PRR14: variants seen among roughly 807,000 people sequenced by gnomAD.
PRR14 encodes the protein proline-rich protein 14.
Under a neutral mutation model 57.2 loss-of-function variants are expected in PRR14, and 33 were observed. The ratio of observed to expected loss-of-function variants is 0.58; its 90% confidence interval spans 0.44 to 0.77. PRR14 has a LOEUF of 0.77. PRR14 is among the 30% of genes least tolerant of loss of function. PRR14 has a pLI of 0.00. For missense variants in PRR14, 716 were observed against 788.1 expected (o/e 0.91, Z 1.10); for synonymous variants, 303 against 314.7 (o/e 0.96, Z 0.39).
rs761076173 is a variant in PRR14, at chr16:30,651,888, G to A, written c.116G>A (p.Gly39Glu). Reference sequence around the variant, plus strand: ...AAACGGCCGAGGCTGCAGCTCCCGGGGGCCCCTTCTCCCCTGGAAAAGGCC... The same window carrying A: ...AAACGGCCGAGGCTGCAGCTCCCGGAGGCCCCTTCTCCCCTGGAAAAGGCC... ...SPKRPRLQLPGAPSPLEKASR... is the reference protein window; with the variant it reads ...SPKRPRLQLPEAPSPLEKASR... The change falls in exon 3 of 12, where the codon GGG becomes GAG. Residue 39 changes from glycine (G) to glutamate (E), a missense_variant. Gly to Glu is a moderately conservative substitution (Grantham distance 98). Transcript: ENST00000300835. This position sits in a 1 kb window ranked among gnomAD's most constrained non-coding sequence, Gnocchi z 5.0. 5 of 1,605,386 alleles carry A rather than the reference G, an allele frequency of 3.1e-6. 1 individual carries two copies. The highest frequency in any genetic ancestry group is 3.3e-4 in the Middle Eastern group (2 of 6,024).
Position 30,656,211 on chromosome 16 carries a change from G to A in PRR14, c.1658G>A (p.Ser553Asn). The A allele has an allele frequency of 1.2e-6, 2 of 1,613,416 alleles. No individual in the cohort carries two copies. Among genetic ancestry groups the A allele is most frequent in the Non-Finnish European group, 1.7e-6 (2 of 1,179,860 alleles). The change falls in exon 12 of 12, where the codon AGC becomes AAC. Residue 553 changes from serine (S) to asparagine (N), a missense_variant. Physicochemically the swap from Ser to Asn is conservative, Grantham distance 46. Transcript: ENST00000300835. ...ACTGTTCCTCCCAATGTGGCCCCCA[G>A]CCCTGATGTGGGCCCCCTGCTCCAG... is the stretch of plus-strand genomic sequence containing the variant. ...GRTVPPNVAPSPDVGPLLQQR... is the reference protein window; with the variant it reads ...GRTVPPNVAPNPDVGPLLQQR...
chr16:30,655,710 G>C lies in PRR14; in HGVS notation c.1406+117G>C, dbSNP rs2972808. On this transcript the variant is annotated intron_variant, in intron 10 of 11. Transcript: ENST00000300835. The surrounding 1 kb of genome is among the most constrained non-coding windows in gnomAD (Gnocchi z 4.6). The stretch of plus-strand genomic sequence containing the variant: ...CAGTCCAGCCTGAAAGATTCAATTC[G>C]GTGTGGGGATGGTTTGTGCTCAAAA... 1 of 1,289,050 alleles carries C rather than the reference G, an allele frequency of 7.8e-7. No homozygotes were observed. The highest frequency in any genetic ancestry group is 1.1e-6 in the Non-Finnish European group (1 of 893,188). The allele number at this position is 1,289,050 out of a possible 1,614,324, so 79.9% of individuals were successfully genotyped here.
Position 30,655,294 on chromosome 16 carries a change from A to G in PRR14, c.1245-57A>G. On this transcript the variant is annotated intron_variant, in intron 8 of 11. Transcript: ENST00000300835. The surrounding 1 kb of genome is among the most constrained non-coding windows in gnomAD (Gnocchi z 4.6). Reference sequence around the variant, plus strand: ...CTTCCCTGAGTATCCAGTGGGCAGGAGACGGGGGATAATGCAGTGAATCCT... The same window carrying G: ...CTTCCCTGAGTATCCAGTGGGCAGGGGACGGGGGATAATGCAGTGAATCCT... The G allele has an allele frequency of 6.2e-7, 1 of 1,609,328 alleles. No individual in the cohort carries two copies. The highest frequency in any genetic ancestry group is 1.7e-4 in the Middle Eastern group (1 of 6,046).
rs1596605692 is a variant in PRR14 at position 30,654,681 on chromosome 16, A to C, written c.711A>C (p.Leu237Phe). The C allele has an allele frequency of 1.2e-6, 2 of 1,612,908 alleles. No individual in the cohort carries two copies. Among genetic ancestry groups the C allele is most frequent in the South Asian group, 2.2e-5 (2 of 91,012 alleles). Residue 237 changes from leucine to phenylalanine, a missense_variant, in exon 8 of 12, where the codon TTA becomes TTC. Coordinates refer to ENST00000300835, the MANE Select transcript of PRR14 (RefSeq NM_024031.5). ...CCACCCCACCACCGTCCAGCCTTTT[A>C]CGCCCCCGCCTCAGTCCCTGGGGCT... ...LPSTPPPSSL[L>F]RPRLSPWGLA...
intron 6 of PRR14, among the ~76,000 whole-genome samples, 171 bp downstream of exon 6, chr16:30,653,579 G>C (rs2052335510): frequency 6.6e-6 from 1 of 152,250 alleles, no homozygotes; most frequent in Non-Finnish European, 1.5e-5. Context: ...AGGAGGCCAA[G>C]GCAGGAGAAT....
intron 6 of PRR14, 58 bp from the exon 7 acceptor site, chr16:30,654,172 C>T (rs2052341571): frequency 1.2e-5 from 14 of 1,196,352 alleles, no homozygotes; most frequent in Non-Finnish European, 1.5e-5. Context: ...AGGGGAGTTG[C>T]TGGCTCAGGT....
Position 30,655,393 on chromosome 16 carries a change from C to A in PRR14, c.1287C>A (p.Asp429Glu). ...GGAAGGAGCCAAGAGCCTCAAAGGA[C>A]CAGGTGCTTTCAGAACCTGAGACCA... ...TKGKEPRASK[D>E]QVLSEPETKT... The change falls in exon 9 of 12, where the codon GAC (aspartate) becomes GAA (glutamate). Residue 429 changes from aspartate to glutamate, a missense_variant. By Grantham distance (45) the Asp-to-Glu change is conservative (BLOSUM62 2). Transcript: ENST00000300835. The surrounding 1 kb of genome is among the most constrained non-coding windows in gnomAD (Gnocchi z 4.6). The A allele has an allele frequency of 6.2e-7, 1 of 1,614,102 alleles. No homozygotes were observed. The highest frequency in any genetic ancestry group is 8.5e-7 in the Non-Finnish European group (1 of 1,180,026).
rs368995357 is a variant in PRR14 at position 30,655,860 on chromosome 16, G to A, written c.1407-8G>A. The A allele has an allele frequency of 3.1e-6, 5 of 1,613,962 alleles. No homozygotes were observed. The African/African-American group carries it at 4.0e-5, about 13-fold the overall frequency. ...GGTTTCTCAGTGGCCTCTGCTCTTT[G>A]CTCACAGGTTGAACAAGAAGGAGTT... On this transcript the variant is annotated splice_region_variant and splice_polypyrimidine_tract_variant and intron_variant, in intron 10 of 11. Coordinates refer to ENST00000300835, the MANE Select transcript of PRR14 (RefSeq NM_024031.5). This position sits in a 1 kb window ranked among gnomAD's most constrained non-coding sequence, Gnocchi z 4.6.
Position 30,656,071 on chromosome 16 carries a change from T to G in PRR14, c.1518T>G (p.Asn506Lys), listed in dbSNP as rs2052369004. The change falls in exon 12 of 12, where the codon AAT (asparagine) becomes AAG (lysine). Residue 506 changes from asparagine to lysine, a missense_variant. Physicochemically the swap from Asn to Lys is moderately conservative, Grantham distance 94. Transcript: ENST00000300835. ...TCTTTGAGGAACCCCGGGAGCGCAATGGGACTCTGATTTTCACCAGCTCAA... is the reference window on the plus strand; with the variant it reads ...TCTTTGAGGAACCCCGGGAGCGCAAGGGGACTCTGATTTTCACCAGCTCAA... The part of the protein sequence containing the change: ...ETIFEEPRER[N>K]GTLIFTSSRK... 2.6e-6 allele frequency: 4 copies of G among 1,552,964 alleles called. No individual in the cohort carries two copies. Among genetic ancestry groups the G allele is most frequent in the Non-Finnish European group, 3.5e-6 (4 of 1,151,742 alleles).
Position 30,656,298 on chromosome 16 carries a change from C to A in PRR14, c.1745C>A (p.Pro582His). 6.2e-7 allele frequency: 1 copy of A among 1,611,828 alleles called. No homozygotes were observed. Among genetic ancestry groups the A allele is most frequent in the East Asian group, 2.2e-5 (1 of 44,868 alleles). The part of the protein sequence containing the change: ...LEEETVDREQ[P>H]HWT ...GAAGAAACAGTAGATCGGGAGCAGC[C>A]CCACTGGACCTAGGTGCCCCATCTG... Residue 582 changes from proline to histidine, a missense_variant, in exon 12 of 12, where the codon CCC (proline) becomes CAC (histidine). By Grantham distance (77) the Pro-to-His change is moderately conservative. Transcript: ENST00000300835.
Position 30,656,293 on chromosome 16 carries a change from G to A in PRR14, c.1740G>A (p.Glu580=). The change falls in exon 12 of 12, where the codon GAG becomes GAA. Residue 580 remains glutamate, a synonymous_variant. Coordinates refer to ENST00000300835, the MANE Select transcript of PRR14 (RefSeq NM_024031.5). ...LLLEEETVDR[E]QPHWT is the part of the protein sequence containing the mutation. ...TGGAGGAAGAAACAGTAGATCGGGA[G>A]CAGCCCCACTGGACCTAGGTGCCCC... The A allele has an allele frequency of 6.2e-7, 1 of 1,612,186 alleles. No individual in the cohort carries two copies. Among genetic ancestry groups the A allele is most frequent in the South Asian group, 1.1e-5 (1 of 91,024 alleles).
At chr16:30,652,348 A>G (rs1320294854) in intron 3 of PRR14, 2 of 567,042 alleles carry the variant, frequency 3.5e-6, no homozygotes, top group African/African-American at 3.7e-5. Flanking sequence ...GGCGTGAGCC[A>G]CGGCGCTGGG....
rs1482668694 is a variant in PRR14, at chr16:30,654,731, G to A, written c.761G>A (p.Arg254His). 3.7e-6 allele frequency: 6 copies of A among 1,613,668 alleles called. No homozygotes were observed. Among genetic ancestry groups the A allele is most frequent in the African/African-American group, 2.7e-5 (2 of 75,012 alleles). Residue 254 changes from arginine (R) to histidine (H), a missense_variant, in exon 8 of 12, where the codon CGC (arginine) becomes CAC (histidine). Transcript: ENST00000300835. ...WGLAPLFRSV[R>H]SKLESFADIF... is the part of the protein sequence containing the mutation. ...TTGGCCCCGCTCTTCCGTTCCGTCC[G>A]CTCCAAGCTGGAGAGCTTTGCTGAC...
Position 30,651,753 on chromosome 16 carries a change from C to A in PRR14, c.24-43C>A. Reference sequence around the variant, plus strand: ...CCGTGCCGGGAAACTACAGAGCCAGCGACAGGTTCGGGCGACCGTCCTCTG... The same window carrying A: ...CCGTGCCGGGAAACTACAGAGCCAGAGACAGGTTCGGGCGACCGTCCTCTG... On this transcript the variant is annotated intron_variant, in intron 2 of 11. Transcript: ENST00000300835. This position sits in a 1 kb window ranked among gnomAD's most constrained non-coding sequence, Gnocchi z 5.0. 1 of 1,610,560 alleles carries A rather than the reference C, an allele frequency of 6.2e-7. No individual in the cohort carries two copies. The highest frequency in any genetic ancestry group is 8.5e-7 in the Non-Finnish European group (1 of 1,179,778).
In PRR14 at chr16:30,651,999, C is replaced by T; in HGVS notation, c.192+35C>T. ...CTGAACCAAGAGACTCTCTATTCCC[C>T]CATGACTTTCCTCACTACCAAACTC... On this transcript the variant is annotated intron_variant, in intron 3 of 11. Coordinates refer to ENST00000300835, the MANE Select transcript of PRR14 (RefSeq NM_024031.5). The surrounding 1 kb of genome is among the most constrained non-coding windows in gnomAD (Gnocchi z 5.0). 1 of 1,515,878 alleles carries T rather than the reference C, an allele frequency of 6.6e-7. No individual in the cohort carries two copies. The allele number at this position is 1,515,878 out of a possible 1,614,324, so 93.9% of individuals were successfully genotyped here.
Position 30,651,815 on chromosome 16 carries a change from C to A in PRR14, c.43C>A (p.Leu15Met). 6.2e-7 allele frequency: 1 copy of A among 1,606,510 alleles called. No individual in the cohort carries two copies. Among genetic ancestry groups the A allele is most frequent in the East Asian group, 2.2e-5 (1 of 44,874 alleles). ...GDSSPPGQPR[L>M]CRQPLTRALW... ...CTCCAGCCCGCCTGGCCAGCCGCGT[C>A]TGTGCCGCCAGCCTCTGACTCGAGC... The change falls in exon 3 of 12, where the codon CTG (leucine) becomes ATG (methionine). Residue 15 changes from leucine to methionine, a missense_variant. Leu to Met is a conservative substitution (Grantham distance 15). Transcript: ENST00000300835. The surrounding 1 kb of genome is among the most constrained non-coding windows in gnomAD (Gnocchi z 5.0).
chr16:30,651,621 C>A lies in PRR14; in HGVS notation c.-25C>A. The A allele has an allele frequency of 6.4e-7, 1 of 1,565,246 alleles. No individual in the cohort carries two copies. The highest frequency in any genetic ancestry group is 1.1e-5 in the South Asian group (1 of 88,168). On this transcript the variant is annotated 5_prime_UTR_variant, in exon 2 of 12. Transcript: ENST00000300835. The surrounding 1 kb of genome is among the most constrained non-coding windows in gnomAD (Gnocchi z 5.0). The stretch of plus-strand genomic sequence containing the variant: ...GCCGCAGCCTGGGATTCCCCAGGGA[C>A]CCCCCCGGAGCCGCCGCGTCTCCCA...
chr16:30,651,842 T>C lies in PRR14; in HGVS notation c.70T>C (p.Leu24=). ...RLCRQPLTRA[L]WGARSPKRPR... The stretch of plus-strand genomic sequence containing the variant: ...GTGCCGCCAGCCTCTGACTCGAGCA[T>C]TATGGGGAGCCAGGAGCCCGAAACG... The change falls in exon 3 of 12, where the codon TTA becomes CTA. Residue 24 remains leucine, a synonymous_variant. Transcript: ENST00000300835. The surrounding 1 kb of genome is among the most constrained non-coding windows in gnomAD (Gnocchi z 5.0). 3 of 1,607,016 alleles carry C rather than the reference T, an allele frequency of 1.9e-6. No individual in the cohort carries two copies. Among genetic ancestry groups the C allele is most frequent in the Non-Finnish European group, 2.5e-6 (3 of 1,179,066 alleles).
intron 11 of PRR14, 21 bp from the exon 12 acceptor site, chr16:30,656,011 T>C (rs1274159463): frequency 1.3e-6 from 2 of 1,589,128 alleles, no homozygotes. Context: ...TAAAACCAGC[T>C]CCTCTCCCTG....
Sources: gnomAD v4.1 joint callset for allele counts (sites outside exome capture counted in the v4.1 genomes callset) on GRCh38, gnomAD v4.1.1 for gene constraint, Gnocchi (gnomAD v3.1) non-coding constraint, MANE v1.5 for transcripts, NCBI Gene and HGNC (gene_info 2026-07-23, HGNC 2026-07-21) for gene names.